Variants in PFKFB2 observed in about 807,000 individuals in gnomAD.
The protein encoded by PFKFB2 is 6-phosphofructo-2-kinase/fructose-2,6-biphosphatase 2.
Under a neutral mutation model 68.0 loss-of-function variants are expected in PFKFB2, and 53 were observed. The observed-to-expected ratio is 0.78, with a 90% CI of 0.63 to 0.98. The LOEUF is 0.98. PFKFB2 is among the 50% of genes least tolerant of loss of function. PFKFB2 has a pLI of 0.00. For missense variants in PFKFB2, 451 were observed against 642.0 expected (o/e 0.70, Z 3.22); for synonymous variants, 222 against 227.6 (o/e 0.98, Z 0.22).
chr1:207,061,217 G>A (rs925832334), intron 2 of PFKFB2, among the ~76,000 whole-genome samples: 1 of 103,984 alleles, frequency 9.6e-6, no homozygotes, highest in Non-Finnish European at 2.0e-5. Context: ...AGAGACAAGG[G>A]TCTCTCTATG....
In PFKFB2 at chr1:207,063,888, G is replaced by GGTGT. The variant is rs57138984; in HGVS notation, c.507+84_507+87dup. On this transcript the variant is annotated intron_variant, in intron 7 of 14. Coordinates refer to ENST00000367080, the MANE Select transcript of PFKFB2 (RefSeq NM_006212.2). The surrounding 1 kb of genome is among the most constrained non-coding windows in gnomAD (Gnocchi z 4.1). Reference sequence around the variant, plus strand: ...ACCTTTTGTGCTGTGTGTGTTGTGGGGTGTGTGTGTGTGTGTGTGTGTGTG... The same window carrying GGTGT: ...ACCTTTTGTGCTGTGTGTGTTGTGGGGTGTGTGTGTGTGTGTGTGTGTGTGTGTG... The GGTGT allele has an allele frequency of 8.6e-3, 8,732 of 1,015,984 alleles. 88 individuals carry two copies. The highest frequency in any genetic ancestry group is 0.064 in the African/African-American group (3,845 of 59,766). 62.9% of individuals were successfully genotyped at this position (1,015,984 alleles called of 1,614,324 possible).
At chr1:207,053,130 C>G (rs1007156064), upstream of PFKFB2, 1 of 152,326 alleles carries the variant, frequency 6.6e-6, no homozygotes, top group Non-Finnish European at 1.5e-5. Flanking sequence ...GCCGCCTTCC[C>G]GAGCCAGTTA....
intron 1 of PFKFB2, chr1:207,042,144 CTT>C (rs1432936691): frequency 6.6e-6 from 1 of 152,176 alleles, no homozygotes; most frequent in Non-Finnish European, 1.5e-5. Context: ...ATGTCAATCT[CTT>C]CTTTTCCCCC....
At position 207,070,891 on chromosome 1, in the gene PFKFB2, T is replaced by A; in HGVS notation, c.1223-297T>A. 2.8e-6 allele frequency: 1 copy of A among 358,164 alleles called. No homozygotes were observed. Among genetic ancestry groups the A allele is most frequent in the Non-Finnish European group, 5.2e-6 (1 of 193,490 alleles). 22.2% of individuals were successfully genotyped at this position (358,164 alleles called of 1,614,324 possible). The stretch of plus-strand genomic sequence containing the variant: ...CTGAGCTGCTTGGAAGCTGTTGTGG[T>A]CAGACCTTATTGGCCTTTGCTGTAC... On this transcript the variant is annotated intron_variant, in intron 12 of 14. Coordinates refer to ENST00000367080, the MANE Select transcript of PFKFB2 (RefSeq NM_006212.2). This position sits in a 1 kb window ranked among gnomAD's most constrained non-coding sequence, Gnocchi z 4.2.
upstream of PFKFB2, among the ~76,000 whole-genome samples, chr1:207,051,839 C>A (rs1347061612): frequency 6.6e-6 from 1 of 152,172 alleles, no homozygotes; most frequent in African/African-American, 2.4e-5. Flanking sequence ...GAACCCAGGA[C>A]TGTGCCTCGC....
rs375610533 is a variant in PFKFB2 at position 207,041,819 on chromosome 1, C to T, written c.-61-350C>T. Among the ~76,000 whole-genome samples the T allele has an allele frequency of 3.2e-4, 49 of 152,318 alleles. 2 individuals carry two copies. The South Asian group carries it at 1.0e-2, about 31-fold the overall frequency. Reference sequence around the variant, plus strand: ...TGAGGAATCGCCACACTGTTTTCCACAATGGTTGAACTAATTTACACTCCC... The same window carrying T: ...TGAGGAATCGCCACACTGTTTTCCATAATGGTTGAACTAATTTACACTCCC... On this transcript the variant is annotated intron_variant, in intron 1 of 5. Transcript: ENST00000545806.
At chr1:207,061,203 T>A (rs1296740522) in intron 2 of PFKFB2, among the ~76,000 whole-genome samples, 1 of 60,066 alleles carries the variant, frequency 1.7e-5, no homozygotes, top group Non-Finnish European at 3.7e-5. Context: ...ATATATATAT[T>A]TTAAGAGACA....
Position 207,072,895 on chromosome 1 carries a change from T to C in PFKFB2, c.*524T>C. The C allele has an allele frequency of 1.0e-6, 1 of 986,694 alleles. No individual in the cohort carries two copies. The highest frequency in any genetic ancestry group is 1.2e-6 in the Non-Finnish European group (1 of 830,884). 61.1% of individuals were successfully genotyped at this position (986,694 alleles called of 1,614,324 possible). ...GTCCCCTCTGGATTGTCCAGTGTAA[T>C]GCATGGCATTGTGGTGTCTGTCTAG... On this transcript the variant is annotated 3_prime_UTR_variant, in exon 15 of 15. Coordinates refer to ENST00000367080, the MANE Select transcript of PFKFB2 (RefSeq NM_006212.2).
At chr1:207,054,890 G>T in intron 2 of PFKFB2, 88 bp downstream of exon 2, 1 of 874,038 alleles carries the variant, frequency 1.1e-6, no homozygotes, top group South Asian at 1.5e-5. Context: ...CTGCTTGGTG[G>T]GAGTGATAAA....
upstream of PFKFB2, chr1:207,048,682 T>C (rs529645722): frequency 1.1e-3 from 248 of 231,306 alleles, no homozygotes; most frequent in African/African-American, 5.4e-3. Context: ...TTACCCAAAA[T>C]GTGATGCTTT....
chr1:207,071,299 A>G (rs779390483), intron 13 of PFKFB2, 49 bp downstream of exon 13: 17 of 1,493,326 alleles, frequency 1.1e-5, no homozygotes, highest in Non-Finnish European at 1.5e-5. Context: ...GAGGAAGGTC[A>G]GAATTTTCTC....
At chr1:207,049,779 G>C (rs186223097), upstream of PFKFB2, 201 of 1,495,060 alleles carry the variant, frequency 1.3e-4, 3 homozygotes, top group South Asian at 2.4e-3. Context: ...GAAACCGAGT[G>C]TTCTCTAGCC....
At chr1:207,054,325 A>G (rs955753522) in intron 1 of PFKFB2, among the ~76,000 whole-genome samples, 4 of 152,174 alleles carry the variant, frequency 2.6e-5, no homozygotes, top group Non-Finnish European at 4.4e-5. Flanking sequence ...TCTTAAAACT[A>G]GAATCTGAGG....
In PFKFB2 at chr1:207,076,560, A is replaced by G. The variant is rs1018624797; in HGVS notation, c.*4189A>G. The G allele has an allele frequency of 2.1e-6, 2 of 974,486 alleles. No individual in the cohort carries two copies. The highest frequency in any genetic ancestry group is 1.8e-5 in the African/African-American group (1 of 54,904). The allele number at this position is 974,486 out of a possible 1,614,324, so 60.4% of individuals were successfully genotyped here. On this transcript the variant is annotated 3_prime_UTR_variant, in exon 15 of 15. Coordinates refer to ENST00000367080, the MANE Select transcript of PFKFB2 (RefSeq NM_006212.2). ...CCCTGAAGGTGACACAGATGTCAGA[A>G]TTGTGTCCAGGGATTTAATTTAGAC... is the stretch of plus-strand genomic sequence containing the variant.
chr1:207,075,666 G>A lies in PFKFB2; in HGVS notation c.*3295G>A. 1 of 976,832 alleles carries A rather than the reference G, an allele frequency of 1.0e-6. No individual in the cohort carries two copies. The highest frequency in any genetic ancestry group is 1.2e-6 in the Non-Finnish European group (1 of 822,050). 60.5% of individuals were successfully genotyped at this position (976,832 alleles called of 1,614,324 possible). A position where few individuals can be genotyped will look rare whatever the true frequency, so the allele number is the denominator to read the frequency against. On this transcript the variant is annotated 3_prime_UTR_variant, in exon 15 of 15. Coordinates refer to ENST00000367080, the MANE Select transcript of PFKFB2 (RefSeq NM_006212.2). ...AAGCTGGTTGCTGTGGCTTATACCT[G>A]TAGTCCCAGATACTTGGGAGGCTGA...
intron 11 of PFKFB2, 29 bp downstream of exon 11, chr1:207,069,557 T>C (rs1683405277): frequency 7.3e-7 from 1 of 1,377,146 alleles, no homozygotes; most frequent in Non-Finnish European, 1.0e-6. Context: ...GTAAAGTGAC[T>C]GCCTAGACCC....
Position 207,065,110 on chromosome 1 carries a change from T to A in PFKFB2, c.582T>A (p.Ile194=). ...TGATGGAGGACTTCCTGAAGAGAAT[T>A]GAATGCTACAAAGTTACCTACCGAC... ...ENVMEDFLKR[I]ECYKVTYRPL... is the part of the protein sequence containing the mutation. Residue 194 remains isoleucine, a synonymous_variant, in exon 8 of 15, where the codon ATT becomes ATA. Transcript: ENST00000367080. The A allele has an allele frequency of 1.2e-6, 2 of 1,614,054 alleles. No individual in the cohort carries two copies. Among genetic ancestry groups the A allele is most frequent in the Non-Finnish European group, 1.7e-6 (2 of 1,179,968 alleles).
intron 2 of PFKFB2, chr1:207,044,960 T>C (rs145907760): frequency 2.0e-5 from 3 of 152,616 alleles, no homozygotes; most frequent in African/African-American, 7.2e-5. Flanking sequence ...TGCTAGATAA[T>C]TTTGAGAAAA....
chr1:207,044,313 A>T (rs1489736411), intron 2 of PFKFB2: 1 of 152,570 alleles, frequency 6.6e-6, no homozygotes, highest in Admixed American at 6.5e-5. Context: ...TCAAGGAAAA[A>T]TACTATTCTG....
Sources: allele counts gnomAD v4.1 joint callset (sites outside exome capture counted in the v4.1 genomes callset), GRCh38; gene constraint gnomAD v4.1.1; non-coding constraint Gnocchi (gnomAD v3.1); transcripts MANE v1.5; gene names NCBI Gene and HGNC (gene_info 2026-07-23, HGNC 2026-07-21).